Variants in RNASE9 observed in about 807,000 individuals in gnomAD.
RNASE9 encodes inactive ribonuclease-like protein 9.
For synonymous variants in RNASE9, 95 were observed against 87.6 expected (o/e 1.08, Z -0.47); for missense variants, 263 against 247.1 (o/e 1.06, Z -0.43).
intron 2 of RNASE9, among the ~76,000 whole-genome samples, chr14:20,559,052 T>A (rs1361904719): frequency 6.6e-6 from 1 of 152,174 alleles, no homozygotes; most frequent in Non-Finnish European, 1.5e-5. Context: ...TATTTAATAA[T>A]TCTGTTTCTG....
exon 3 of RNASE9, chr14:20,556,920 T>G (rs774850516): frequency 1.2e-6 from 2 of 1,614,098 alleles, no homozygotes. Flanking sequence ...TACTAAAAAA[T>G]TTTTCCAAAC....
intron 1 of RNASE9, among the ~76,000 whole-genome samples, chr14:20,560,092 G>A (rs1883894699): frequency 6.6e-6 from 1 of 152,116 alleles, no homozygotes; most frequent in Admixed American, 6.5e-5. Flanking sequence ...TTATGGGCTT[G>A]TAGGTGAACC....
chr14:20,559,470 T>TGAGG (rs1218652937), intron 2 of RNASE9, 112 bp downstream of exon 2: 4 of 145,478 alleles, frequency 2.7e-5, no homozygotes, highest in East Asian at 2.1e-4. Flanking sequence ...AGGGAAGCAG[T>TGAGG]GAGGGAGGGA....
chr14:20,556,778 A>G (rs200112980), exon 3 of RNASE9: 39 of 1,613,740 alleles, frequency 2.4e-5, no homozygotes. Flanking sequence ...TCTGCCACCC[A>G]ACGGTGTTTG....
chr14:20,557,371 A>G (rs1883750645), exon 3 of RNASE9: 1 of 330,646 alleles, frequency 3.0e-6, no homozygotes, highest in Admixed American at 4.4e-5. Flanking sequence ...CAAGGAAGAA[A>G]TGGAGCAAGA....
intron 1 of RNASE9, 71 bp from the exon 2 acceptor site, chr14:20,559,704 A>C (rs1222134506): frequency 6.6e-6 from 1 of 152,254 alleles, no homozygotes; most frequent in African/African-American, 2.4e-5. Context: ...AAAGTTGAAC[A>C]AGGAATTTCT....
exon 3 of RNASE9, chr14:20,558,605 CGGAA>C: frequency 6.5e-7 from 1 of 1,550,214 alleles, no homozygotes; most frequent in Non-Finnish European, 8.7e-7. Flanking sequence ...TCAGAGAGCT[CGGAA>C]CATACTCTCA....
At chr14:20,557,231 T>C in exon 3 of RNASE9, 1 of 701,126 alleles carries the variant, frequency 1.4e-6, no homozygotes, top group East Asian at 2.7e-5. Flanking sequence ...ATCTGAATAC[T>C]TCTAAATTAT....
At chr14:20,556,134 T>A (rs1566550811) in exon 3 of RNASE9, 1 of 246,656 alleles carries the variant, frequency 4.1e-6, no homozygotes, top group Non-Finnish European at 7.8e-6. Context: ...AACTAGAGAA[T>A]CACATGGATG....
Position 20,559,636 on chromosome 14 carries a change from G to T in RNASE9, c.-1633-3C>A, listed in dbSNP as rs1883873489. ...TCAGTTCTCACTAATTGAAATTTCT[G>T]TGGATGAATCCAGAAATTTGCATTT... On this transcript the variant is annotated splice_region_variant and splice_polypyrimidine_tract_variant and intron_variant, in intron 1 of 2. Transcript: ENST00000555230. 6.6e-6 allele frequency: 1 copy of T among 152,186 alleles called. No individual in the cohort carries two copies. The highest frequency in any genetic ancestry group is 1.5e-5 in the Non-Finnish European group (1 of 68,030). 9.4% of individuals were successfully genotyped at this position (152,186 alleles called of 1,614,324 possible).
Position 20,556,561 on chromosome 14 carries a change from C to T in RNASE9, c.509G>A (p.Trp170Ter), listed in dbSNP as rs950228882. 1.2e-6 allele frequency: 2 copies of T among 1,613,850 alleles called. No homozygotes were observed. Among genetic ancestry groups the T allele is most frequent in the Non-Finnish European group, 1.7e-6 (2 of 1,179,810 alleles). The change falls in exon 3 of 3, where the codon TGG (tryptophan) becomes TAG (stop). Residue 170 changes from tryptophan (W) to a stop codon, truncating the protein, a stop_gained. Transcript: ENST00000555230. LOFTEE classifies it low-confidence loss of function (END_TRUNC). Reference sequence around the variant, plus strand: ...AATACGTTTTTGCATTTCATTTTGCCATGAACAAGTGATAAGGACGTAGCC... The same window carrying T: ...AATACGTTTTTGCATTTCATTTTGCTATGAACAAGTGATAAGGACGTAGCC...
Position 20,557,084 on chromosome 14 carries a change from C to T in RNASE9, c.-15G>A. ...GTTCTCATCATTTTTCCTGCAGACACTAAAAGAGATAACGGGATATGTTCT... is the reference window on the plus strand; with the variant it reads ...GTTCTCATCATTTTTCCTGCAGACATTAAAAGAGATAACGGGATATGTTCT... On this transcript the variant is annotated 5_prime_UTR_variant, in exon 3 of 3. Transcript: ENST00000555230. 3 of 1,593,958 alleles carry T rather than the reference C, an allele frequency of 1.9e-6. No homozygotes were observed. Among genetic ancestry groups the T allele is most frequent in the South Asian group, 1.1e-5 (1 of 88,206 alleles).
exon 3 of RNASE9, chr14:20,556,553 C>T: frequency 6.2e-7 from 1 of 1,613,882 alleles, no homozygotes; most frequent in African/African-American, 1.3e-5. Context: ...TTTTGCATTT[C>T]ATTTTGCCAT....
chr14:20,558,616 C>T, exon 3 of RNASE9: 1 of 1,548,036 alleles, frequency 6.5e-7, no homozygotes, highest in Non-Finnish European at 8.7e-7. Context: ...GGAACATACT[C>T]TCACAAGAAC....
intron 2 of RNASE9, 57 bp downstream of exon 2, chr14:20,559,525 A>T (rs192449298): frequency 3.8e-4 from 58 of 152,194 alleles, no homozygotes; most frequent in African/African-American, 1.3e-3. Flanking sequence ...ATGATCACTC[A>T]GTGTTTCTGA....
chr14:20,557,213 C>T (rs1883741518), exon 3 of RNASE9: 2 of 797,472 alleles, frequency 2.5e-6, no homozygotes, highest in Non-Finnish European at 3.9e-6. Context: ...ATTACCAACT[C>T]ATAATCGATC....
At chr14:20,560,295 T>G (rs1467617963) in intron 1 of RNASE9, 1 of 152,020 alleles carries the variant, frequency 6.6e-6, no homozygotes, top group Non-Finnish European at 1.5e-5. Flanking sequence ...AAGGAAAAAC[T>G]AAATTAAATC....
At chr14:20,559,799 GGAA>G (rs1883880636) in intron 1 of RNASE9, among the ~76,000 whole-genome samples, 166 bp from the exon 2 acceptor site, 1 of 152,186 alleles carries the variant, frequency 6.6e-6, no homozygotes, top group Admixed American at 6.5e-5. Flanking sequence ...AAATGTTCTT[GGAA>G]GAAGAATGGG....
intron 1 of RNASE9, 112 bp from the exon 2 acceptor site, chr14:20,559,745 G>C (rs1331719195): frequency 6.6e-6 from 1 of 152,182 alleles, no homozygotes; most frequent in Non-Finnish European, 1.5e-5. Flanking sequence ...TTGTGAAAAA[G>C]AAAACATCCT....
Sources: allele counts gnomAD v4.1 joint callset (sites outside exome capture counted in the v4.1 genomes callset), GRCh38; gene constraint gnomAD v4.1.1; transcripts MANE v1.5; gene names NCBI Gene and HGNC (gene_info 2026-07-23, HGNC 2026-07-21).